SPATS2L: variants seen among roughly 807,000 people sequenced by gnomAD.
The protein encoded by SPATS2L is SPATS2-like protein.
Under a neutral mutation model 59.6 loss-of-function variants are expected in SPATS2L, and 30 were observed. The observed-to-expected ratio is 0.50, with a 90% CI of 0.38 to 0.68. The LOEUF (loss-of-function observed/expected upper bound fraction) is 0.68, where lower values mean the gene tolerates loss of function less well. SPATS2L is among the 30% of genes least tolerant of loss of function. SPATS2L has a pLI of 0.00. For synonymous variants in SPATS2L, 252 were observed against 263.5 expected (o/e 0.96, Z 0.42); for missense variants, 615 against 700.0 (o/e 0.88, Z 1.37).
intron 2 of SPATS2L, among the ~76,000 whole-genome samples, chr2:200,347,399 C>G (rs2080550723): frequency 1.3e-5 from 2 of 152,144 alleles, no homozygotes; most frequent in Admixed American, 6.5e-5. Flanking sequence ...TCTTCTGGCT[C>G]CTTTCTGAGC....
intron 1 of SPATS2L, among the ~76,000 whole-genome samples, chr2:200,322,331 A>T (rs1045159708): frequency 1.3e-5 from 2 of 152,212 alleles, no homozygotes; most frequent in African/African-American, 4.8e-5. Context: ...ATTTCACATA[A>T]GTCAGTTTAG....
In SPATS2L at chr2:200,479,299, A is replaced by T; in HGVS notation, c.*1268A>T. On this transcript the variant is annotated 3_prime_UTR_variant, in exon 13 of 13. Transcript: ENST00000409140. Reference sequence around the variant, plus strand: ...AGGGCCACCATGCTCTTAAGACTCAAGTCTATTTTCCACACTGTCCAGAGG... The same window carrying T: ...AGGGCCACCATGCTCTTAAGACTCATGTCTATTTTCCACACTGTCCAGAGG... 2.8e-6 allele frequency: 1 copy of T among 355,208 alleles called. No homozygotes were observed. Among genetic ancestry groups the T allele is most frequent in the Admixed American group, 4.7e-5 (1 of 21,340 alleles). 22.0% of individuals were successfully genotyped at this position (355,208 alleles called of 1,614,324 possible). A position where few individuals can be genotyped will look rare whatever the true frequency, so the allele number is the denominator to read the frequency against.
chr2:200,445,802 T>C (rs531917434), intron 8 of SPATS2L, among the ~76,000 whole-genome samples: 1 of 152,208 alleles, frequency 6.6e-6, no homozygotes, highest in African/African-American at 2.4e-5. Flanking sequence ...AAATTTTAGC[T>C]GCTTTCGTGT....
rs372266473 is a variant in SPATS2L at position 200,356,980 on chromosome 2, TC to T, written c.-23+27506del. Among the ~76,000 whole-genome samples, 68 of 151,994 alleles carry T rather than the reference TC, an allele frequency of 4.5e-4. 1 individual carries two copies. The East Asian group carries it at 0.011, about 26-fold the overall frequency. The stretch of plus-strand genomic sequence containing the variant: ...GGCAGAGCCATCATGACCTAATCAC[TC>T]CCCCCAGCACTGCTGCATTGGGGAT... On this transcript the variant is annotated intron_variant, in intron 2 of 12. Coordinates refer to ENST00000409140, the MANE Select transcript of SPATS2L (RefSeq NM_001100423.2).
At chr2:200,441,913 G>A (rs989822194) in intron 8 of SPATS2L, among the ~76,000 whole-genome samples, 2 of 152,148 alleles carry the variant, frequency 1.3e-5, no homozygotes, top group South Asian at 4.1e-4. Flanking sequence ...CAGAAACTGT[G>A]TGTAAAACTA....
chr2:200,442,748 A>C (rs192052732), intron 8 of SPATS2L, among the ~76,000 whole-genome samples: 4 of 152,210 alleles, frequency 2.6e-5, no homozygotes, highest in African/African-American at 7.2e-5. Flanking sequence ...GTCATGAGAC[A>C]TCTTGAGATT....
intron 4 of SPATS2L, among the ~76,000 whole-genome samples, chr2:200,414,098 C>G (rs998500195): frequency 2.6e-5 from 4 of 151,890 alleles, no homozygotes; most frequent in South Asian, 4.2e-4. Flanking sequence ...TCCCTACCCC[C>G]ACTTGGATTG....
intron 3 of SPATS2L, chr2:200,393,249 C>G (rs1206052994): frequency 4.4e-6 from 2 of 456,808 alleles, no homozygotes; most frequent in African/African-American, 4.0e-5. Flanking sequence ...CCCTGCAAAA[C>G]ATGGCTGGTG....
At chr2:200,307,807 C>T (rs577638347) in intron 1 of SPATS2L, among the ~76,000 whole-genome samples, 2 of 152,320 alleles carry the variant, frequency 1.3e-5, no homozygotes, top group Admixed American at 1.3e-4. Context: ...GCTTCTCATC[C>T]CCCCCGCAAT....
At chr2:200,359,137 T>C (rs573944171) in intron 2 of SPATS2L, among the ~76,000 whole-genome samples, 1 of 152,340 alleles carries the variant, frequency 6.6e-6, no homozygotes, top group African/African-American at 2.4e-5. Flanking sequence ...AGAAATCAAT[T>C]AGGGTTGTTT....
At chr2:200,342,950 A>G (rs189517231) in intron 2 of SPATS2L, among the ~76,000 whole-genome samples, 156 of 152,360 alleles carry the variant, frequency 1.0e-3, no homozygotes, top group Non-Finnish European at 1.3e-3. Flanking sequence ...GGTGGAATAT[A>G]AATGAATAAA....
rs374811878 is a variant in SPATS2L, at chr2:200,435,928, G to A, written c.446-3194G>A. 1.8e-4 allele frequency among the ~76,000 whole-genome samples: 26 copies of A among 148,418 alleles called. No individual in the cohort carries two copies. The South Asian group carries it at 5.4e-3, about 31-fold the overall frequency. On this transcript the variant is annotated intron_variant, in intron 6 of 12. Transcript: ENST00000409140. ...ATCAAAAATATCATTTCAACATGTA[G>A]TCAATCTTTTTTAAATTATTAAAGT...
chr2:200,417,941 A>C (rs1267445812), intron 5 of SPATS2L, among the ~76,000 whole-genome samples: 1 of 152,156 alleles, frequency 6.6e-6, no homozygotes, highest in Non-Finnish European at 1.5e-5. Flanking sequence ...TGTTGAGTAC[A>C]CTGAGTATCA....
intron 1 of SPATS2L, among the ~76,000 whole-genome samples, chr2:200,317,635 A>G (rs373348048): frequency 1.6e-4 from 25 of 152,310 alleles, no homozygotes; most frequent in East Asian, 1.4e-3. Flanking sequence ...CATTCTCCCT[A>G]TGCTTTGCAT....
chr2:200,446,956 T>G (rs1431162166), intron 8 of SPATS2L, among the ~76,000 whole-genome samples: 3 of 152,192 alleles, frequency 2.0e-5, no homozygotes, highest in African/African-American at 7.2e-5. Flanking sequence ...TATACTGAAG[T>G]GTAGAAAATT....
chr2:200,340,768 A>G (rs564720887), intron 2 of SPATS2L, among the ~76,000 whole-genome samples: 3 of 152,306 alleles, frequency 2.0e-5, no homozygotes, highest in African/African-American at 7.2e-5. Flanking sequence ...AAAAGGACTG[A>G]AAATACTTAA....
chr2:200,311,174 C>G lies in SPATS2L; in HGVS notation c.-73+4252C>G, dbSNP rs190384616. ...TGGGTCCTCAGAGCCTAACTCATAGCCTGACACATAGTCATGACCTCAATA... is the reference window on the plus strand; with the variant it reads ...TGGGTCCTCAGAGCCTAACTCATAGGCTGACACATAGTCATGACCTCAATA... On this transcript the variant is annotated intron_variant, in intron 1 of 12. Transcript: ENST00000409140. 1.8e-3 allele frequency among the ~76,000 whole-genome samples: 269 copies of G among 152,332 alleles called. 2 individuals carry two copies. The highest frequency in any genetic ancestry group is 6.3e-3 in the African/African-American group (261 of 41,582).
At chr2:200,434,418 G>T (rs1368126555) in intron 6 of SPATS2L, among the ~76,000 whole-genome samples, 1 of 151,896 alleles carries the variant, frequency 6.6e-6, no homozygotes, top group African/African-American at 2.4e-5. Flanking sequence ...TGGAAAAGAA[G>T]AAGTTAGACT....
chr2:200,333,552 G>A (rs1477379696), intron 2 of SPATS2L, among the ~76,000 whole-genome samples: 2 of 151,612 alleles, frequency 1.3e-5, no homozygotes, highest in Non-Finnish European at 2.9e-5. Flanking sequence ...TGCACAACGT[G>A]CAGGTTTGTT....
Sources: allele counts gnomAD v4.1 joint callset (sites outside exome capture counted in the v4.1 genomes callset), GRCh38; gene constraint gnomAD v4.1.1; transcripts MANE v1.5; gene names NCBI Gene and HGNC (gene_info 2026-07-23, HGNC 2026-07-21).